Variants in TRPC6 observed in about 807,000 individuals in gnomAD.
TRPC6 encodes the protein short transient receptor potential channel 6.
TRPC6 carries 55 observed loss-of-function variants against 90.7 expected under a neutral mutation model. The ratio of observed to expected loss-of-function variants is 0.61; its 90% CI spans 0.49 to 0.76. The LOEUF (loss-of-function observed/expected upper bound fraction) is 0.76. Among genes scored for constraint, TRPC6 ranks in the 30% least tolerant of loss-of-function variants. The pLI, the probability that TRPC6 is intolerant of heterozygous loss-of-function variation, is 0.00. For synonymous variants in TRPC6, 393 were observed against 393.0 expected, an observed-to-expected ratio of 1.00 and a Z score of 0.00; for missense variants, 989 against 1,122.7, an observed-to-expected ratio of 0.88 and a Z score of 1.70.
Position 101,499,705 on chromosome 11 carries a change from A to G in TRPC6, c.945+4319T>C, listed in dbSNP as rs1483532053. Among the ~76,000 whole-genome samples the G allele has an allele frequency of 1.1e-4, 10 of 88,836 alleles. 3 individuals are homozygous for G. Among genetic ancestry groups the G allele is most frequent in the East Asian group, 2.6e-4 (1 of 3,914 alleles). 58.3% of individuals were successfully genotyped at this position (88,836 alleles called of 152,430 possible). On this transcript the variant is annotated intron_variant, in intron 2 of 12. Coordinates refer to ENST00000344327, the MANE Select transcript of TRPC6 (RefSeq NM_004621.6). ...TACACAATATAAAATGTGTATATAT[A>G]TATACACATTTTATATTGTGTATAT...
chr11:101,521,517 T>G (rs1339336514), intron 1 of TRPC6, among the ~76,000 whole-genome samples: 1 of 152,240 alleles, frequency 6.6e-6, no homozygotes, highest in African/African-American at 2.4e-5. Flanking sequence ...AGGACAGTGC[T>G]AAGGGGAAAT....
chr11:101,516,108 G>GA (rs10635008), intron 1 of TRPC6, among the ~76,000 whole-genome samples: 3,071 of 133,270 alleles, frequency 0.023, 52 homozygotes, highest in African/African-American at 0.035. Flanking sequence ...ATGCAGCTGG[G>GA]AAAAAAAAAA....
chr11:101,475,861 CACAT>C (rs1320782828), intron 6 of TRPC6, among the ~76,000 whole-genome samples: 2 of 137,508 alleles, frequency 1.5e-5, no homozygotes, highest in Non-Finnish European at 3.1e-5. Flanking sequence ...TACACACACA[CACAT>C]GTGTGTACAT....
At chr11:101,561,377 T>C (rs11224856) in intron 1 of TRPC6, among the ~76,000 whole-genome samples, 2,353 of 152,312 alleles carry the variant, frequency 0.015, 28 homozygotes, top group Middle Eastern at 0.082. Flanking sequence ...AAGTAAGTCA[T>C]TCATTTCAGT....
At chr11:101,537,114 T>C (rs1037936396) in intron 1 of TRPC6, among the ~76,000 whole-genome samples, 2 of 152,224 alleles carry the variant, frequency 1.3e-5, no homozygotes, top group Non-Finnish European at 2.9e-5. Context: ...TGGGATAAGA[T>C]AATGCAGACT....
At chr11:101,479,414 T>C (rs1475784161) in intron 5 of TRPC6, among the ~76,000 whole-genome samples, 2 of 152,208 alleles carry the variant, frequency 1.3e-5, no homozygotes, top group Non-Finnish European at 2.9e-5. Flanking sequence ...CTCTCATTGA[T>C]TTGAGCTCAC....
rs537371814 is a variant in TRPC6 at position 101,550,328 on chromosome 11, A to T, written c.170+33006T>A. On this transcript the variant is annotated intron_variant, in intron 1 of 12. Transcript: ENST00000344327. The stretch of plus-strand genomic sequence containing the variant: ...CACAAGTATGATGTTACATTAAATT[A>T]AAAAAGACGCAAGGATATAAGCTAT... Among the ~76,000 whole-genome samples, 9 of 151,770 alleles carry T rather than the reference A, an allele frequency of 5.9e-5. No homozygotes were observed. In the East Asian group the frequency reaches 1.2e-3, roughly 20 times the overall value.
intron 1 of TRPC6, among the ~76,000 whole-genome samples, chr11:101,553,125 G>T (rs1214613923): frequency 1.8e-4 from 28 of 152,068 alleles, no homozygotes; most frequent in Admixed American, 1.8e-3. Context: ...TGTAATCAAA[G>T]AATCAGTGCC....
At position 101,504,368 on chromosome 11, in the gene TRPC6, G is replaced by T. The variant is rs1860203491; in HGVS notation, c.601C>A (p.Leu201Ile). Residue 201 changes from leucine to isoleucine, a missense_variant, in exon 2 of 13, where the codon CTC (leucine) becomes ATC (isoleucine). Coordinates refer to ENST00000344327, the MANE Select transcript of TRPC6 (RefSeq NM_004621.6). ...TAGGCATAAAAATCATCTTGCTGGA[G>T]TTCAGACTGGCTAGGGCTGGTTGCT... ...RLATSPSQSE[L>I]QQDDFYAYDE... 6.2e-7 allele frequency: 1 copy of T among 1,614,032 alleles called. No individual in the cohort carries two copies. The highest frequency in any genetic ancestry group is 1.1e-5 in the South Asian group (1 of 91,088).
At chr11:101,573,962 G>A (rs1328909135) in intron 1 of TRPC6, among the ~76,000 whole-genome samples, 2 of 147,386 alleles carry the variant, frequency 1.4e-5, no homozygotes, top group Non-Finnish European at 3.0e-5. Flanking sequence ...GTGTGTATGT[G>A]TGTGTGTGTT....
chr11:101,465,695 T>C (rs1452923696), intron 10 of TRPC6, among the ~76,000 whole-genome samples: 1 of 152,216 alleles, frequency 6.6e-6, no homozygotes, highest in African/African-American at 2.4e-5. Context: ...TCTCTAACCT[T>C]TTTTCAAGGT....
chr11:101,483,227 A>G, intron 4 of TRPC6, 62 bp from the exon 5 acceptor site: 2 of 1,518,720 alleles, frequency 1.3e-6, no homozygotes, highest in Non-Finnish European at 1.8e-6. Flanking sequence ...CAAAACACAC[A>G]TACATACATG....
At chr11:101,500,312 G>A (rs1860086828) in intron 2 of TRPC6, among the ~76,000 whole-genome samples, 1 of 150,606 alleles carries the variant, frequency 6.6e-6, no homozygotes, top group South Asian at 2.1e-4. Context: ...AGGTTCAAGT[G>A]ATTATCCTGC....
At chr11:101,538,797 C>T (rs1338254649) in intron 1 of TRPC6, among the ~76,000 whole-genome samples, 1 of 152,106 alleles carries the variant, frequency 6.6e-6, no homozygotes, top group Non-Finnish European at 1.5e-5. Context: ...GAGTCATGAA[C>T]CAGAGAATGC....
intron 2 of TRPC6, among the ~76,000 whole-genome samples, chr11:101,495,633 T>TATCATC (rs1555002272): frequency 2.4e-4 from 34 of 144,512 alleles, no homozygotes; most frequent in Admixed American, 2.8e-4. Context: ...TTATTATTAT[T>TATCATC]ATCATTGTTT....
intron 1 of TRPC6, among the ~76,000 whole-genome samples, chr11:101,527,789 G>C (rs1215436534): frequency 1.3e-5 from 2 of 151,808 alleles, no homozygotes; most frequent in East Asian, 3.9e-4. Flanking sequence ...AAATATTTTT[G>C]TCAGCCAGGC....
intron 1 of TRPC6, among the ~76,000 whole-genome samples, chr11:101,527,177 T>C (rs1860800086): frequency 6.6e-6 from 1 of 152,194 alleles, no homozygotes; most frequent in African/African-American, 2.4e-5. Flanking sequence ...CTGCAATATA[T>C]TATTTACCTC....
chr11:101,465,195 A>G (rs879724714), intron 10 of TRPC6, among the ~76,000 whole-genome samples: 19 of 152,036 alleles, frequency 1.2e-4, no homozygotes, highest in South Asian at 2.1e-4. Context: ...GGGTAACCCA[A>G]TCTTTCTCTC....
chr11:101,471,325 T>C lies in TRPC6; in HGVS notation c.2267A>G (p.Glu756Gly). 1 of 1,613,938 alleles carries C rather than the reference T, an allele frequency of 6.2e-7. No individual in the cohort carries two copies. The change falls in exon 9 of 13, where the codon GAG becomes GGG. Residue 756 changes from glutamate to glycine, a missense_variant. Transcript: ENST00000344327. ...GAAGGGTACAGGAAGTGTTCTGCCCTCCTCAAAGTAGGAAAACCAGAGTTT... is the reference window on the plus strand; with the variant it reads ...GAAGGGTACAGGAAGTGTTCTGCCCCCCTCAAAGTAGGAAAACCAGAGTTT... ...RAKLWFSYFE[E>G]GRTLPVPFNL... is the part of the protein sequence containing the mutation.
Sources: gnomAD v4.1 joint callset for allele counts (sites outside exome capture counted in the v4.1 genomes callset) on GRCh38, gnomAD v4.1.1 for gene constraint, MANE v1.5 for transcripts, NCBI Gene and HGNC (gene_info 2026-07-23, HGNC 2026-07-21) for gene names.